The following CXCL8 variants were observed in gnomAD, a reference collection of about 807,000 sequenced individuals.
CXCL8 encodes C-X-C motif chemokine ligand 8.
A neutral mutation model predicts 10.9 loss-of-function variants in CXCL8; 12 were observed. The observed-to-expected ratio is 1.10, with a 90% CI of 0.71 to 1.79. The LOEUF (loss-of-function observed/expected upper bound fraction) is 1.79, where lower values mean the gene tolerates loss of function less well. CXCL8 is among the 40% of genes most tolerant of loss of function. CXCL8 has a pLI of 0.00. For missense variants in CXCL8, 145 were observed against 113.4 expected (o/e 1.28, Z -1.26); for synonymous variants, 41 against 39.6 (o/e 1.03, Z -0.13).
rs373408845 is a variant in CXCL8, at chr4:73,741,997, C to A, written c.249C>A (p.Asn83Lys). 1.1e-5 allele frequency: 18 copies of A among 1,611,236 alleles called. No homozygotes were observed. The highest frequency in any genetic ancestry group is 8.0e-5 in the African/African-American group (6 of 74,930). Residue 83 changes from asparagine (N) to lysine (K), a missense_variant, in exon 3 of 4, where the codon AAC becomes AAA. Coordinates refer to ENST00000307407, the MANE Select transcript of CXCL8 (RefSeq NM_000584.4). ...GRELCLDPKE[N>K]WVQRVVEKFL... ...AGCTCTGTCTGGACCCCAAGGAAAA[C>A]TGGGTGCAGAGGGTTGTGGAGAAGT...
chr4:73,741,411 A>G (rs2149422987), intron 1 of CXCL8, 131 bp from the exon 2 acceptor site: 1 of 808,866 alleles, frequency 1.2e-6, no homozygotes, highest in Non-Finnish European at 1.9e-6. Context: ...GAGAATATTC[A>G]GGAATGAGTT....
chr4:73,743,525 G>A lies in CXCL8; in HGVS notation c.*1061G>A, dbSNP rs1010986118. On this transcript the variant is annotated 3_prime_UTR_variant, in exon 4 of 4. Coordinates refer to ENST00000307407, the MANE Select transcript of CXCL8 (RefSeq NM_000584.4). Reference sequence around the variant, plus strand: ...CAATATTAGTAATTTCTTGCTGGTTGAAACTTGTTTATTATGTACAAATAG... The same window carrying A: ...CAATATTAGTAATTTCTTGCTGGTTAAAACTTGTTTATTATGTACAAATAG... 2.0e-5 allele frequency: 4 copies of A among 198,434 alleles called. No homozygotes were observed. The South Asian group carries it at 5.7e-4, about 28-fold the overall frequency. 12.3% of individuals were successfully genotyped at this position (198,434 alleles called of 1,614,324 possible). A position where few individuals can be genotyped will look rare whatever the true frequency, so the allele number is the denominator to read the frequency against.
At chr4:73,742,307 AT>A (rs1278936617) in intron 3 of CXCL8, 141 bp from the exon 4 acceptor site, 1 of 582,672 alleles carries the variant, frequency 1.7e-6, no homozygotes, top group Non-Finnish European at 3.1e-6. Flanking sequence ...TTAGATGATA[AT>A]TTCTTTGATC....
rs778229177 is a variant in CXCL8 at position 73,742,033 on chromosome 4, G to A, written c.284+1G>A. 2 of 1,557,036 alleles carry A rather than the reference G, an allele frequency of 1.3e-6. No individual in the cohort carries two copies. The highest frequency in any genetic ancestry group is 1.7e-5 in the Admixed American group (1 of 57,400). On this transcript the variant is annotated splice_donor_variant, in intron 3 of 3. Coordinates refer to ENST00000307407, the MANE Select transcript of CXCL8 (RefSeq NM_000584.4). LOFTEE classifies it high-confidence loss of function. ...GGGTTGTGGAGAAGTTTTTGAAGAG[G>A]TAAGTTATATATTTTTTAATTTAAA...
chr4:73,740,657 A>C lies in CXCL8; in HGVS notation c.-2A>C, dbSNP rs200141723. ...GAAGGAACCATCTCACTGTGTGTAA[A>C]CATGACTTCCAAGCTGGCCGTGGCT... On this transcript the variant is annotated 5_prime_UTR_variant, in exon 1 of 4. Transcript: ENST00000307407. 2 of 1,613,542 alleles carry C rather than the reference A, an allele frequency of 1.2e-6. No homozygotes were observed. The highest frequency in any genetic ancestry group is 8.5e-7 in the Non-Finnish European group (1 of 1,179,666).
At position 73,743,066 on chromosome 4, in the gene CXCL8, G is replaced by C. The variant is rs986971503; in HGVS notation, c.*602G>C. The C allele has an allele frequency of 4.4e-6, 1 of 228,856 alleles. No homozygotes were observed. Among genetic ancestry groups the C allele is most frequent in the Non-Finnish European group, 8.7e-6 (1 of 115,454 alleles). The allele number at this position is 228,856 out of a possible 1,614,324, so 14.2% of individuals were successfully genotyped here. A position where few individuals can be genotyped will look rare whatever the true frequency, so the allele number is the denominator to read the frequency against. ...GTGAGGACATGTGGAAGCACTTTAA[G>C]TTTTTTCATCATAACATAAATTATT... On this transcript the variant is annotated 3_prime_UTR_variant, in exon 4 of 4. Coordinates refer to ENST00000307407, the MANE Select transcript of CXCL8 (RefSeq NM_000584.4).
chr4:73,742,096 C>A, intron 3 of CXCL8, 64 bp downstream of exon 3: 1 of 995,982 alleles, frequency 1.0e-6, no homozygotes, highest in Non-Finnish European at 1.5e-6. Flanking sequence ...CCAAAGTCAG[C>A]CTATAAATTT....
At chr4:73,741,163 T>C (rs1729161054) in intron 1 of CXCL8, among the ~76,000 whole-genome samples, 1 of 152,180 alleles carries the variant, frequency 6.6e-6, no homozygotes, top group African/African-American at 2.4e-5. Context: ...GTATAACTTA[T>C]TTATATATTT....
chr4:73,741,536 C>T lies in CXCL8; in HGVS notation c.65-6C>T, dbSNP rs1729173132. ...ATCAATCCTTAATCACTTTTTCCCC[C>T]AACAGGTGCAGTTTTGCCAAGGAGT... is the stretch of plus-strand genomic sequence containing the variant. On this transcript the variant is annotated splice_region_variant and splice_polypyrimidine_tract_variant and intron_variant, in intron 1 of 3. Transcript: ENST00000307407. 6.2e-7 allele frequency: 1 copy of T among 1,610,968 alleles called. No homozygotes were observed. The highest frequency in any genetic ancestry group is 8.5e-7 in the Non-Finnish European group (1 of 1,178,764).
chr4:73,741,983 G>GA lies in CXCL8; in HGVS notation c.236dup (p.Asp79GlufsTer19), dbSNP rs780925576. ...TTCTGATGGAAGAGAGCTCTGTCTGGACCCCAAGGAAAACTGGGTGCAGAG... is the reference window on the plus strand; with the variant it reads ...TTCTGATGGAAGAGAGCTCTGTCTGGAACCCCAAGGAAAACTGGGTGCAGAG... On this transcript the variant is annotated frameshift_variant, in exon 3 of 4. Coordinates refer to ENST00000307407, the MANE Select transcript of CXCL8 (RefSeq NM_000584.4). LOFTEE classifies it high-confidence loss of function. The GA allele has an allele frequency of 6.2e-7, 1 of 1,611,456 alleles. No individual in the cohort carries two copies. The highest frequency in any genetic ancestry group is 8.5e-7 in the Non-Finnish European group (1 of 1,178,184).
At position 73,741,990 on chromosome 4, in the gene CXCL8, A is replaced by G; in HGVS notation, c.242A>G (p.Lys81Arg). ...SDGRELCLDP[K>R]ENWVQRVVEK... ...GGAAGAGAGCTCTGTCTGGACCCCAAGGAAAACTGGGTGCAGAGGGTTGTG... is the reference window on the plus strand; with the variant it reads ...GGAAGAGAGCTCTGTCTGGACCCCAGGGAAAACTGGGTGCAGAGGGTTGTG... The change falls in exon 3 of 4, where the codon AAG becomes AGG. Residue 81 changes from lysine to arginine, a missense_variant. Coordinates refer to ENST00000307407, the MANE Select transcript of CXCL8 (RefSeq NM_000584.4). The G allele has an allele frequency of 1.2e-6, 2 of 1,611,730 alleles. No individual in the cohort carries two copies. The highest frequency in any genetic ancestry group is 1.7e-6 in the Non-Finnish European group (2 of 1,178,246).
At position 73,740,631 on chromosome 4, in the gene CXCL8, G is replaced by A. The variant is rs2227537; in HGVS notation, c.-28G>A. The A allele has an allele frequency of 2.0e-3, 3,281 of 1,608,100 alleles. 50 individuals are homozygous for A. In the African/African-American group the frequency reaches 0.034, roughly 17 times the overall value. On this transcript the variant is annotated 5_prime_UTR_variant, in exon 1 of 4. Coordinates refer to ENST00000307407, the MANE Select transcript of CXCL8 (RefSeq NM_000584.4). ...GGACAAGAGCCAGGAAGAAACCACC[G>A]GAAGGAACCATCTCACTGTGTGTAA...
chr4:73,742,642 G>T lies in CXCL8; in HGVS notation c.*178G>T, dbSNP rs1245923095. The T allele has an allele frequency of 4.5e-6, 2 of 440,136 alleles. No homozygotes were observed. The highest frequency in any genetic ancestry group is 8.3e-6 in the Non-Finnish European group (2 of 239,928). The allele number at this position is 440,136 out of a possible 1,614,324, so 27.3% of individuals were successfully genotyped here. On this transcript the variant is annotated 3_prime_UTR_variant, in exon 4 of 4. Coordinates refer to ENST00000307407, the MANE Select transcript of CXCL8 (RefSeq NM_000584.4). ...AATGAATAGTTTTTCATTGTACCAT[G>T]AAATATCCAGAACATACTTATATGT...
At position 73,740,647 on chromosome 4, in the gene CXCL8, C is replaced by T; in HGVS notation, c.-12C>T. On this transcript the variant is annotated 5_prime_UTR_variant, in exon 1 of 4. Coordinates refer to ENST00000307407, the MANE Select transcript of CXCL8 (RefSeq NM_000584.4). ...GAAACCACCGGAAGGAACCATCTCA[C>T]TGTGTGTAAACATGACTTCCAAGCT... is the stretch of plus-strand genomic sequence containing the variant. 6.2e-7 allele frequency: 1 copy of T among 1,612,742 alleles called. No individual in the cohort carries two copies. The highest frequency in any genetic ancestry group is 2.2e-5 in the East Asian group (1 of 44,830).
chr4:73,741,445 TA>T, intron 1 of CXCL8, 96 bp from the exon 2 acceptor site: 1 of 1,166,140 alleles, frequency 8.6e-7, no homozygotes, highest in Non-Finnish European at 1.2e-6. Flanking sequence ...ATGCCTTCCA[TA>T]GTCTCCAAAT....
chr4:73,742,608 T>G lies in CXCL8; in HGVS notation c.*144T>G. 1 of 465,812 alleles carries G rather than the reference T, an allele frequency of 2.1e-6. No homozygotes were observed. Among genetic ancestry groups the G allele is most frequent in the Non-Finnish European group, 3.9e-6 (1 of 255,934 alleles). The allele number at this position is 465,812 out of a possible 1,614,324, so 28.9% of individuals were successfully genotyped here. ...CAAGATTCCTGGTTAAATTTGAATT[T>G]CAGTAAACAATGAATAGTTTTTCAT... is the stretch of plus-strand genomic sequence containing the variant. On this transcript the variant is annotated 3_prime_UTR_variant, in exon 4 of 4. Coordinates refer to ENST00000307407, the MANE Select transcript of CXCL8 (RefSeq NM_000584.4).
intron 3 of CXCL8, 127 bp from the exon 4 acceptor site, chr4:73,742,322 C>T (rs1298546140): frequency 3.4e-6 from 2 of 589,790 alleles, no homozygotes; most frequent in Admixed American, 3.4e-5. Context: ...TTTGATCTCC[C>T]TATTTATAGT....
rs2227549 is a variant in CXCL8, at chr4:73,741,020, A to C, written c.64+298A>C. On this transcript the variant is annotated intron_variant, in intron 1 of 3. Coordinates refer to ENST00000307407, the MANE Select transcript of CXCL8 (RefSeq NM_000584.4). ...GTCCTATTGAGAACCACGGTTACCTATATTATGTATTAATATTGAGTTGAG... is the reference window on the plus strand; with the variant it reads ...GTCCTATTGAGAACCACGGTTACCTCTATTATGTATTAATATTGAGTTGAG... Among the ~76,000 whole-genome samples, 350 of 152,266 alleles carry C rather than the reference A, an allele frequency of 2.3e-3. 5 individuals carry two copies. The highest frequency in any genetic ancestry group is 0.02 in the Middle Eastern group (6 of 294).
chr4:73,740,754 C>T (rs1729150849), intron 1 of CXCL8, 32 bp downstream of exon 1: 3 of 1,590,844 alleles, frequency 1.9e-6, no homozygotes, highest in South Asian at 2.2e-5. Context: ...ACAGCGTTTT[C>T]CTATGTCTAA....
Sources: gnomAD v4.1 joint callset for allele counts (sites outside exome capture counted in the v4.1 genomes callset) on GRCh38, gnomAD v4.1.1 for gene constraint, MANE v1.5 for transcripts, NCBI Gene and HGNC (gene_info 2026-07-23, HGNC 2026-07-21) for gene names.